DMC1: variants seen among roughly 807,000 people sequenced by gnomAD.
DMC1 encodes DNA meiotic recombinase 1.
Under a neutral mutation model 50.1 loss-of-function variants are expected in DMC1, and 27 were observed. The ratio of observed to expected loss-of-function variants is 0.54; its 90% CI spans 0.40 to 0.74. DMC1 has a LOEUF of 0.74. Among genes scored for constraint, DMC1 ranks in the 30% least tolerant of loss-of-function variants. The pLI is 0.00. For missense variants in DMC1, 295 were observed against 420.2 expected, an observed-to-expected ratio of 0.70 and a Z score of 2.60; for synonymous variants, 148 against 136.1, an observed-to-expected ratio of 1.09 and a Z score of -0.61.
At chr22:38,552,540 T>C (rs925783479) in intron 7 of DMC1, 126 bp downstream of exon 7, 4 of 765,560 alleles carry the variant, frequency 5.2e-6, no homozygotes, top group Non-Finnish European at 9.1e-6. Context: ...TTACTTAATC[T>C]GCCTGTGTTT....
intron 9 of DMC1, among the ~76,000 whole-genome samples, chr22:38,538,961 A>G (rs1023150246): frequency 1.3e-5 from 2 of 151,774 alleles, no homozygotes; most frequent in African/African-American, 2.4e-5. Context: ...ACTTGAAGCC[A>G]GGAGTTGGAG....
intron 6 of DMC1, among the ~76,000 whole-genome samples, chr22:38,553,643 G>A (rs1253077929): frequency 6.6e-6 from 1 of 151,654 alleles, no homozygotes; most frequent in African/African-American, 2.4e-5. Flanking sequence ...GGCAAACATG[G>A]TGAAACCCCA....
At chr22:38,532,738 G>A (rs12171167) in intron 12 of DMC1, among the ~76,000 whole-genome samples, 6 of 151,998 alleles carry the variant, frequency 3.9e-5, no homozygotes, top group African/African-American at 1.2e-4. Flanking sequence ...TCCTGCCTCA[G>A]CCTCCCAAGT....
chr22:38,542,721 A>G (rs1338143234), intron 8 of DMC1, among the ~76,000 whole-genome samples: 1 of 152,204 alleles, frequency 6.6e-6, no homozygotes. Flanking sequence ...TTTATATGGA[A>G]CCACAAAAGA....
At chr22:38,537,486 A>T in intron 12 of DMC1, 106 bp downstream of exon 12, 2 of 1,018,040 alleles carry the variant, frequency 2.0e-6, no homozygotes, top group Non-Finnish European at 1.5e-6. Context: ...TGCTGGAATT[A>T]CAGGCGTGAG....
chr22:38,521,463 G>A (rs1291503247), intron 13 of DMC1, 145 bp downstream of exon 13: 1 of 604,246 alleles, frequency 1.7e-6, no homozygotes, highest in Non-Finnish European at 3.0e-6. Context: ...CAGCACTTTG[G>A]GAGCCCAAGG....
At chr22:38,560,104 A>AAAATAAGGCCAGG (rs1394755602) in intron 5 of DMC1, among the ~76,000 whole-genome samples, 13 of 152,156 alleles carry the variant, frequency 8.5e-5, no homozygotes, top group Non-Finnish European at 1.5e-5. Flanking sequence ...GGTATGGATA[A>AAAATAAGGCCAGG]AAATAAGGCC....
chr22:38,521,577 A>ACAC (rs1555930216), intron 13 of DMC1, 31 bp downstream of exon 13: 1 of 1,329,198 alleles, frequency 7.5e-7, no homozygotes. Flanking sequence ...ACACACACAC[A>ACAC]CACACACACA....
chr22:38,529,384 AT>A (rs1275327760), intron 12 of DMC1, among the ~76,000 whole-genome samples: 1 of 151,900 alleles, frequency 6.6e-6, no homozygotes, highest in African/African-American at 2.4e-5. Flanking sequence ...CTATCATCTT[AT>A]TTCTTCTTCT....
intron 2 of DMC1, 103 bp from the exon 3 acceptor site, chr22:38,567,730 C>T (rs190545654): frequency 1.2e-6 from 1 of 837,846 alleles, no homozygotes; most frequent in Non-Finnish European, 2.0e-6. Flanking sequence ...CTCCAAAATG[C>T]CTCAAATTCC....
At chr22:38,560,386 G>A (rs535512091) in intron 5 of DMC1, among the ~76,000 whole-genome samples, 1 of 151,760 alleles carries the variant, frequency 6.6e-6, no homozygotes, top group South Asian at 2.1e-4. Flanking sequence ...TGAAATATTA[G>A]AGATGGGAGA....
the DMC1 span, among the ~76,000 whole-genome samples, chr22:38,513,705 G>A: frequency 2.0e-5 from 3 of 152,188 alleles, 1 homozygote; most frequent in South Asian, 4.1e-4. Flanking sequence ...AGCCTCCTGA[G>A]TAGCTGGGAT....
At position 38,556,752 on chromosome 22, in the gene DMC1, T is replaced by G. The variant is rs1292077185; in HGVS notation, c.327-1343A>C. Among the ~76,000 whole-genome samples, 5 of 152,306 alleles carry G rather than the reference T, an allele frequency of 3.3e-5. No individual in the cohort carries two copies. The South Asian group carries it at 6.2e-4, about 19-fold the overall frequency. ...CCTTGTATGTAGTCTATTAACATGA[T>G]TTTTTGGGATGTGATCACAGGTCAG... On this transcript the variant is annotated intron_variant, in intron 5 of 13. Transcript: ENST00000216024.
intron 7 of DMC1, among the ~76,000 whole-genome samples, chr22:38,550,930 C>CAAAAAAAAAAAAAAAA (rs60295497): frequency 3.5e-5 from 2 of 57,758 alleles, no homozygotes; most frequent in African/African-American, 8.2e-5. Context: ...GACTCCATCT[C>CAAAAAAAAAAAAAAAA]AAAAAAAAAA....
At chr22:38,546,600 GA>G (rs1338836457) in intron 8 of DMC1, among the ~76,000 whole-genome samples, 2 of 152,178 alleles carry the variant, frequency 1.3e-5, no homozygotes, top group Non-Finnish European at 2.9e-5. Flanking sequence ...TGGCATTTCT[GA>G]AAAGGGACTT....
intron 9 of DMC1, 39 bp downstream of exon 9, chr22:38,539,281 CT>C (rs753959165): frequency 2.1e-6 from 3 of 1,454,902 alleles, no homozygotes; most frequent in Non-Finnish European, 1.9e-6. Flanking sequence ...TGCTGCCAAC[CT>C]TACATTGACC....
chr22:38,562,414 A>C lies in DMC1; in HGVS notation c.244-45T>G, dbSNP rs765540225. 5.1e-6 allele frequency: 7 copies of C among 1,373,388 alleles called. No individual in the cohort carries two copies. The South Asian group carries it at 5.8e-5, about 11-fold the overall frequency. 85.1% of individuals were successfully genotyped at this position (1,373,388 alleles called of 1,614,324 possible). On this transcript the variant is annotated intron_variant, in intron 4 of 13. Transcript: ENST00000216024. ...AATGTTCAAAAAGAGTTTAAAGATCATGGTTGTATTTTCAAATGTTGCCCA... is the reference window on the plus strand; with the variant it reads ...AATGTTCAAAAAGAGTTTAAAGATCCTGGTTGTATTTTCAAATGTTGCCCA...
At chr22:38,566,486 A>G in intron 4 of DMC1, 104 bp downstream of exon 4, 2 of 1,264,036 alleles carry the variant, frequency 1.6e-6, no homozygotes, top group Non-Finnish European at 2.3e-6. Flanking sequence ...ACTGTGATCT[A>G]CAGGAACTCA....
chr22:38,548,628 C>T (rs946475710), intron 8 of DMC1, among the ~76,000 whole-genome samples: 2 of 152,126 alleles, frequency 1.3e-5, no homozygotes, highest in African/African-American at 2.4e-5. Flanking sequence ...AATTCCAACA[C>T]TTTGGGAGGC....
Sources: gnomAD v4.1 joint callset for allele counts (sites outside exome capture counted in the v4.1 genomes callset) on GRCh38, gnomAD v4.1.1 for gene constraint, MANE v1.5 for transcripts, NCBI Gene and HGNC (gene_info 2026-07-23, HGNC 2026-07-21) for gene names.